TSHZ3: variants seen among roughly 807,000 people sequenced by gnomAD.
TSHZ3 encodes the protein teashirt zinc finger homeobox 3.
Under a neutral mutation model 64.5 loss-of-function variants are expected in TSHZ3, and 10 were observed. The observed-to-expected ratio is 0.16, with a 90% CI of 0.10 to 0.26. The LOEUF (loss-of-function observed/expected upper bound fraction) is 0.26, where lower values mean the gene tolerates loss of function less well. Among genes scored for constraint, TSHZ3 ranks in the 10% least tolerant of loss-of-function variants. The probability of loss-of-function intolerance (pLI) is 1.00; values close to 1 mark genes in which losing one functional copy is unlikely to be tolerated. For missense variants in TSHZ3, 1,242 were observed against 1,421.7 expected, an observed-to-expected ratio of 0.87 and a Z score of 2.03; for synonymous variants, 608 against 593.1, an observed-to-expected ratio of 1.03 and a Z score of -0.36.
At chr19:31,242,338 A>C (rs1465219473) in exon 3 of TSHZ3, among the ~76,000 whole-genome samples, 1 of 152,204 alleles carries the variant, frequency 6.6e-6, no homozygotes, top group African/African-American at 2.4e-5. Flanking sequence ...TGCCTGCAGC[A>C]TGGCTCAGTC....
chr19:31,194,637 A>T (rs1444371045), intron 5 of TSHZ3, among the ~76,000 whole-genome samples: 1 of 152,176 alleles, frequency 6.6e-6, no homozygotes, highest in East Asian at 1.9e-4. Context: ...GCCTATTTAC[A>T]GCATTTCTTT....
At chr19:31,254,648 C>T (rs1599606555) in intron 1 of TSHZ3, among the ~76,000 whole-genome samples, 1 of 152,212 alleles carries the variant, frequency 6.6e-6, no homozygotes, top group East Asian at 1.9e-4. Context: ...TGCTTTCCCA[C>T]ATTTTGGAGG....
At chr19:31,321,905 C>T (rs868573832) in intron 1 of TSHZ3, among the ~76,000 whole-genome samples, 3 of 151,886 alleles carry the variant, frequency 2.0e-5, no homozygotes, top group Middle Eastern at 3.4e-3. Flanking sequence ...TAGGTATACA[C>T]GTACCATGGT....
intron 1 of TSHZ3, among the ~76,000 whole-genome samples, chr19:31,319,675 C>T (rs2040606188): frequency 2.0e-5 from 3 of 152,160 alleles, no homozygotes; most frequent in Admixed American, 6.5e-5. Context: ...TCTACTAGAA[C>T]ACTGAAGAGG....
In TSHZ3 at chr19:31,277,131, C is replaced by T. The variant is rs547631684; in HGVS notation, c.2662G>A (p.Ala888Thr). 1.5e-5 allele frequency: 24 copies of T among 1,604,756 alleles called. No individual in the cohort carries two copies. Among genetic ancestry groups the T allele is most frequent in the South Asian group, 6.7e-5 (6 of 89,982 alleles). ...GACTGGCGGCCCTTCCTCTTCTGGG[C>T]GGGCGTCGACTCCTCAGCCTCCTCC... ...TLEEAEESTP[A>T]QKRKGRQSNW... The change falls in exon 2 of 2, where the codon GCC becomes ACC. Residue 888 changes from alanine to threonine, a missense_variant. Ala to Thr is a moderately conservative substitution (Grantham distance 58, BLOSUM62 0). This residue lies in a region of TSHZ3 where 550 missense variants were observed against 545.1 expected (regional missense o/e 1.01). Coordinates refer to ENST00000240587, the MANE Select transcript of TSHZ3 (RefSeq NM_020856.4). The surrounding 1 kb of genome is among the most constrained non-coding windows in gnomAD (Gnocchi z 4.5).
intron 1 of TSHZ3, among the ~76,000 whole-genome samples, chr19:31,251,918 C>G (rs2145192104): frequency 6.6e-6 from 1 of 152,316 alleles, no homozygotes; most frequent in East Asian, 1.9e-4. Flanking sequence ...CTCAGCAGAG[C>G]TCCCCTCTGC....
At chr19:31,211,485 C>T (rs1313337803) in intron 4 of TSHZ3, among the ~76,000 whole-genome samples, 3 of 152,096 alleles carry the variant, frequency 2.0e-5, no homozygotes, top group African/African-American at 4.8e-5. Context: ...ACTGTGGGCT[C>T]CTGGACCCGG....
rs147859949 is a variant in TSHZ3 at position 31,180,920 on chromosome 19, C to T, written n.809+24036G>A. Among the ~76,000 whole-genome samples, 234 of 152,238 alleles carry T rather than the reference C, an allele frequency of 1.5e-3. 1 individual carries two copies. Among genetic ancestry groups the T allele is most frequent in the African/African-American group, 5.5e-3 (228 of 41,530 alleles). ...ACAATAGACTGATAAAGGTAAGCAG[C>T]TTGAAAAAAGATGAGCGATGTCACC... On this transcript the variant is annotated intron_variant and non_coding_transcript_variant, in intron 5 of 6. Transcript: ENST00000651361.
At chr19:31,192,026 G>A (rs2047233133) in intron 5 of TSHZ3, among the ~76,000 whole-genome samples, 1 of 152,130 alleles carries the variant, frequency 6.6e-6, no homozygotes, top group South Asian at 2.1e-4. Flanking sequence ...GGATAGAAAT[G>A]TACTATTGGA....
At chr19:31,313,550 C>A (rs568849180) in intron 1 of TSHZ3, among the ~76,000 whole-genome samples, 2 of 152,084 alleles carry the variant, frequency 1.3e-5, no homozygotes, top group African/African-American at 4.8e-5. Flanking sequence ...TGTTGGGCTG[C>A]GGAAATGGTT....
At chr19:31,191,715 C>T (rs899614495) in intron 5 of TSHZ3, among the ~76,000 whole-genome samples, 2 of 151,716 alleles carry the variant, frequency 1.3e-5, no homozygotes, top group African/African-American at 2.4e-5. Context: ...AAAAATTAGC[C>T]GGGCATGGTG....
chr19:31,284,938 TGGATCCTGAG>T (rs1976429105), intron 1 of TSHZ3, among the ~76,000 whole-genome samples: 2 of 152,210 alleles, frequency 1.3e-5, no homozygotes, highest in African/African-American at 4.8e-5. Flanking sequence ...ACATCCTGAA[TGGATCCTGAG>T]TCCAGCCAGT....
intron 1 of TSHZ3, among the ~76,000 whole-genome samples, chr19:31,347,207 G>C: frequency 6.9e-6 from 1 of 144,344 alleles, no homozygotes; most frequent in East Asian, 2.0e-4. Flanking sequence ...AAAAAAAAAA[G>C]TGTGAAAAGG....
Position 31,277,222 on chromosome 19 carries a change from GCT to G in TSHZ3, c.2569_2570del (p.Ser857ProfsTer16), listed in dbSNP as rs1976255049. The G allele has an allele frequency of 6.2e-7, 1 of 1,614,112 alleles. No individual in the cohort carries two copies. Among genetic ancestry groups the G allele is most frequent in the Non-Finnish European group, 8.5e-7 (1 of 1,180,050 alleles). On this transcript the variant is annotated frameshift_variant, in exon 2 of 2. Transcript: ENST00000240587. LOFTEE classifies it high-confidence loss of function. This position sits in a 1 kb window ranked among gnomAD's most constrained non-coding sequence, Gnocchi z 4.5. The stretch of plus-strand genomic sequence containing the variant: ...AAGGAGTGGAGGATTTTGACGTGTG[GCT>G]CTCTGTCAAGTTCTTCAGCATATCG... Reference protein sequence around the residue: ...ISDMLKNLTESHTSKSSTPSS... With the variant: ...ISDMLKNLTEXHTSKSSTPSS...
At chr19:31,291,605 A>G (rs1326686187) in intron 1 of TSHZ3, among the ~76,000 whole-genome samples, 1 of 152,234 alleles carries the variant, frequency 6.6e-6, no homozygotes, top group African/African-American at 2.4e-5. Flanking sequence ...AGGCATTCAC[A>G]GGACAAAAAC....
chr19:31,167,939 A>T (rs1451024934), intron 5 of TSHZ3: 1 of 152,242 alleles, frequency 6.6e-6, no homozygotes, highest in Admixed American at 6.5e-5. Flanking sequence ...CTCAAATGTA[A>T]GTCACATATG....
intron 1 of TSHZ3, among the ~76,000 whole-genome samples, chr19:31,348,186 G>A (rs999505382): frequency 2.0e-5 from 3 of 152,120 alleles, no homozygotes; most frequent in Non-Finnish European, 2.9e-5. Context: ...CCCTCCTGAC[G>A]TCACAGAGCT....
In TSHZ3 at chr19:31,180,734, G is replaced by A. The variant is rs191580887; in HGVS notation, n.809+24222C>T. Reference sequence around the variant, plus strand: ...CTTTCATACATGCGAGATGCTGAATGTGAGAGCTGGACGCTTTGACAGGAT... The same window carrying A: ...CTTTCATACATGCGAGATGCTGAATATGAGAGCTGGACGCTTTGACAGGAT... On this transcript the variant is annotated intron_variant and non_coding_transcript_variant, in intron 5 of 6. Transcript: ENST00000651361. 1.6e-4 allele frequency among the ~76,000 whole-genome samples: 25 copies of A among 152,316 alleles called. No individual in the cohort carries two copies. The East Asian group carries it at 3.5e-3, about 21-fold the overall frequency.
At chr19:31,283,462 G>C (rs1294800482) in intron 1 of TSHZ3, among the ~76,000 whole-genome samples, 1 of 152,170 alleles carries the variant, frequency 6.6e-6, no homozygotes, top group African/African-American at 2.4e-5. Context: ...AATGGAAATG[G>C]ACCCAGTGGA....
Sources: gnomAD v4.1 joint callset for allele counts (sites outside exome capture counted in the v4.1 genomes callset) on GRCh38, gnomAD v4.1.1 for gene constraint, gnomAD v4.1.1 regional missense constraint, Gnocchi (gnomAD v3.1) non-coding constraint, MANE v1.5 for transcripts, NCBI Gene and HGNC (gene_info 2026-07-23, HGNC 2026-07-21) for gene names.